Variants in JARID2 observed in about 807,000 individuals in gnomAD.
JARID2 encodes the protein protein Jumonji.
In JARID2, 21 loss-of-function variants were observed where a neutral mutation model predicts 125.6. The ratio of observed to expected loss-of-function variants is 0.17; its 90% CI spans 0.12 to 0.24. The LOEUF (loss-of-function observed/expected upper bound fraction) is 0.24. Ranked by LOEUF, JARID2 falls within the 10% of genes least tolerant of loss-of-function variation. JARID2 has a pLI of 1.00. For missense variants in JARID2, 1,303 were observed against 1,639.6 expected (o/e 0.79, Z 3.55); for synonymous variants, 736 against 661.6 (o/e 1.11, Z -1.73).
At chr6:15,403,093 G>C (rs1325055106) in intron 2 of JARID2, among the ~76,000 whole-genome samples, 2 of 152,134 alleles carry the variant, frequency 1.3e-5, no homozygotes, top group Non-Finnish European at 2.9e-5. Context: ...AGAGAGTGGG[G>C]AGGATGAGCC....
chr6:15,250,389 G>A (rs59815123), intron 1 of JARID2, among the ~76,000 whole-genome samples: 2,592 of 152,182 alleles, frequency 0.017, 78 homozygotes, highest in African/African-American at 0.059. Context: ...TTGGTGGGGT[G>A]GTGGGGAAAT....
intron 2 of JARID2, among the ~76,000 whole-genome samples, chr6:15,374,636 C>T (rs530723415): frequency 6.6e-6 from 1 of 152,266 alleles, no homozygotes; most frequent in Admixed American, 6.5e-5. Flanking sequence ...ACTGCTTTTC[C>T]TGCTCTCTGG....
intron 1 of JARID2, among the ~76,000 whole-genome samples, chr6:15,266,184 C>T (rs567922794): frequency 1.2e-4 from 19 of 152,212 alleles, no homozygotes; most frequent in African/African-American, 4.1e-4. Flanking sequence ...CAAGTGTGTC[C>T]GATGAATCTC....
At chr6:15,249,098 C>T (rs1759331655) in intron 1 of JARID2, 5 of 256,990 alleles carry the variant, frequency 1.9e-5, no homozygotes, top group Non-Finnish European at 3.1e-5. Flanking sequence ...TTCCAGGTCT[C>T]CTGATGGTGT....
intron 8 of JARID2, 23 bp from the exon 9 acceptor site, chr6:15,504,477 T>C: frequency 1.9e-6 from 3 of 1,568,300 alleles, no homozygotes; most frequent in Non-Finnish European, 2.6e-6. Flanking sequence ...TCTGAAGCTT[T>C]ACTGTTTTTT....
At chr6:15,265,244 C>T (rs1398109261) in intron 1 of JARID2, among the ~76,000 whole-genome samples, 2 of 152,074 alleles carry the variant, frequency 1.3e-5, no homozygotes, top group East Asian at 3.9e-4. Flanking sequence ...CAGCCCAGCC[C>T]TTGTCTTTTA....
At chr6:15,461,228 GTTTTCAAT>G (rs1768433659) in intron 4 of JARID2, among the ~76,000 whole-genome samples, 1 of 152,222 alleles carries the variant, frequency 6.6e-6, no homozygotes, top group Non-Finnish European at 1.5e-5. Context: ...GAACGTTACA[GTTTTCAAT>G]GACAAAGATG....
intron 1 of JARID2, among the ~76,000 whole-genome samples, chr6:15,306,574 G>A (rs1375672711): frequency 2.6e-5 from 4 of 151,738 alleles, no homozygotes; most frequent in Non-Finnish European, 5.9e-5. Context: ...CTGACCTCAG[G>A]TGATCCGCCC....
chr6:15,317,165 C>T (rs1762206325), intron 1 of JARID2, among the ~76,000 whole-genome samples: 1 of 151,934 alleles, frequency 6.6e-6, no homozygotes, highest in South Asian at 2.1e-4. Flanking sequence ...TTTTTTTCAT[C>T]AGAAATAATT....
At chr6:15,282,950 C>T (rs1225099466) in intron 1 of JARID2, among the ~76,000 whole-genome samples, 1 of 151,286 alleles carries the variant, frequency 6.6e-6, no homozygotes, top group East Asian at 1.9e-4. Flanking sequence ...CTTCATGTTC[C>T]TGAAATCTAT....
intron 3 of JARID2, among the ~76,000 whole-genome samples, chr6:15,423,606 G>A (rs1181260166): frequency 6.6e-6 from 1 of 152,162 alleles, no homozygotes; most frequent in Non-Finnish European, 1.5e-5. Flanking sequence ...ATGGACTGCA[G>A]GTTCCATTTC....
intron 1 of JARID2, among the ~76,000 whole-genome samples, chr6:15,366,371 A>G (rs1763974144): frequency 6.6e-6 from 1 of 151,626 alleles, no homozygotes; most frequent in South Asian, 2.1e-4. Flanking sequence ...CAGATCCACC[A>G]TCCTTAATCC....
intron 1 of JARID2, among the ~76,000 whole-genome samples, chr6:15,265,923 T>TA (rs1017153071): frequency 6.6e-6 from 1 of 152,082 alleles, no homozygotes; most frequent in Non-Finnish European, 1.5e-5. Context: ...GCTGGTCTGT[T>TA]ACGGTTTTGA....
intron 9 of JARID2, among the ~76,000 whole-genome samples, chr6:15,506,476 G>A (rs1408421532): frequency 6.6e-6 from 1 of 152,188 alleles, no homozygotes; most frequent in Non-Finnish European, 1.5e-5. Flanking sequence ...GATGCTGGGG[G>A]CTTATGAGTT....
At chr6:15,359,451 C>T (rs941141996) in intron 1 of JARID2, among the ~76,000 whole-genome samples, 4 of 152,114 alleles carry the variant, frequency 2.6e-5, no homozygotes, top group Non-Finnish European at 4.4e-5. Flanking sequence ...TTGCGGCCGC[C>T]TGAAACCTGA....
intron 5 of JARID2, among the ~76,000 whole-genome samples, chr6:15,471,146 T>G (rs1769056683): frequency 6.6e-6 from 1 of 152,202 alleles, no homozygotes. Context: ...TGAAGGTAAT[T>G]GAATAGGAAT....
chr6:15,520,284 T>TA lies in JARID2; in HGVS notation c.*33_*34insA, dbSNP rs780606009. ...AACGCCCGTGGTCGATTTATATATATTTTTTTGTAATTATTATATTCTAGT... is the reference window on the plus strand; with the variant it reads ...AACGCCCGTGGTCGATTTATATATATATTTTTTGTAATTATTATATTCTAGT... On this transcript the variant is annotated 3_prime_UTR_variant, in exon 18 of 18. Coordinates refer to ENST00000341776, the MANE Select transcript of JARID2 (RefSeq NM_004973.4). 4.7e-6 allele frequency: 7 copies of TA among 1,494,548 alleles called. No homozygotes were observed. The highest frequency in any genetic ancestry group is 2.4e-5 in the East Asian group (1 of 41,364). 92.6% of individuals were successfully genotyped at this position (1,494,548 alleles called of 1,614,324 possible).
rs1213866561 is a variant in JARID2 at position 15,469,043 on chromosome 6, T to A, written c.670+325T>A. On this transcript the variant is annotated intron_variant, in intron 5 of 17. Coordinates refer to ENST00000341776, the MANE Select transcript of JARID2 (RefSeq NM_004973.4). ...GTGAAACAACATCTGTGCCCCCCTT[T>A]AATTACTAATGTGATTTTAGCAGGT... Among the ~76,000 whole-genome samples the A allele has an allele frequency of 2.0e-5, 3 of 152,240 alleles. No individual in the cohort carries two copies. In the South Asian group the frequency reaches 6.2e-4, roughly 32 times the overall value.
At chr6:15,436,228 A>G (rs1365502565) in intron 3 of JARID2, among the ~76,000 whole-genome samples, 2 of 152,164 alleles carry the variant, frequency 1.3e-5, no homozygotes, top group Non-Finnish European at 2.9e-5. Flanking sequence ...TATCAGAAGA[A>G]TCGGATCACA....
Sources: allele counts gnomAD v4.1 joint callset (sites outside exome capture counted in the v4.1 genomes callset), GRCh38; gene constraint gnomAD v4.1.1; transcripts MANE v1.5; gene names NCBI Gene and HGNC (gene_info 2026-07-23, HGNC 2026-07-21).